SGSM2: variants seen among roughly 807,000 people sequenced by gnomAD.
SGSM2 encodes the protein RUN and TBC1 domain containing 1.
SGSM2 carries 89 observed loss-of-function variants against 126.6 expected under a neutral mutation model. The ratio of observed to expected loss-of-function variants is 0.70; its 90% CI spans 0.59 to 0.84. SGSM2 has a LOEUF of 0.84. SGSM2 is among the 40% of genes least tolerant of loss of function. The pLI is 0.00. For missense variants in SGSM2, 1,404 were observed against 1,416.6 expected, an observed-to-expected ratio of 0.99 and a Z score of 0.14; for synonymous variants, 614 against 574.3, an observed-to-expected ratio of 1.07 and a Z score of -0.99.
At chr17:2,339,517 G>T (rs1416562810) in intron 1 of SGSM2, among the ~76,000 whole-genome samples, 2 of 152,018 alleles carry the variant, frequency 1.3e-5, no homozygotes, top group Non-Finnish European at 2.9e-5. Context: ...GAGGTCAGGA[G>T]ATCGAGACCA....
intron 17 of SGSM2, 41 bp from the exon 18 acceptor site, chr17:2,375,451 T>C: frequency 6.4e-7 from 1 of 1,566,384 alleles, no homozygotes; most frequent in Non-Finnish European, 8.7e-7. Context: ...TGCGGGAAGG[T>C]GCTGGAGTGC....
chr17:2,343,158 G>A (rs759073794), intron 1 of SGSM2, among the ~76,000 whole-genome samples: 3 of 152,100 alleles, frequency 2.0e-5, no homozygotes, highest in East Asian at 1.9e-4. Context: ...AAGGAGGAGG[G>A]GCAGGTTGTT....
At position 2,361,681 on chromosome 17, in the gene SGSM2, G is replaced by C; in HGVS notation, c.178G>C (p.Ala60Pro). The change falls in exon 3 of 24, where the codon GCT (alanine) becomes CCT (proline). Residue 60 changes from alanine (A) to proline (P), a missense_variant. Ala to Pro is a conservative substitution (Grantham distance 27). Coordinates refer to ENST00000268989, the MANE Select transcript of SGSM2 (RefSeq NM_014853.3). ...CTTGCATCAGCTGAGACGCCGTGCCGCTGGCTTCCTGCGCAGTGACAAGAT... is the reference window on the plus strand; with the variant it reads ...CTTGCATCAGCTGAGACGCCGTGCCCCTGGCTTCCTGCGCAGTGACAAGAT... The part of the protein sequence containing the change: ...CLLHQLRRRA[A>P]GFLRSDKMAA... The C allele has an allele frequency of 6.2e-7, 1 of 1,613,950 alleles. No individual in the cohort carries two copies. The highest frequency in any genetic ancestry group is 8.5e-7 in the Non-Finnish European group (1 of 1,180,010).
intron 2 of SGSM2, among the ~76,000 whole-genome samples, chr17:2,360,247 C>T (rs926865218): frequency 2.0e-5 from 3 of 152,104 alleles, no homozygotes; most frequent in South Asian, 2.1e-4. Flanking sequence ...GAGGCTGAGG[C>T]GGGAGAATCA....
At chr17:2,354,490 C>A (rs899456507) in intron 2 of SGSM2, among the ~76,000 whole-genome samples, 1 of 152,228 alleles carries the variant, frequency 6.6e-6, no homozygotes, top group African/African-American at 2.4e-5. Context: ...CATCCTCATT[C>A]TTTTTCAGAG....
At position 2,377,894 on chromosome 17, in the gene SGSM2, A is replaced by G; in HGVS notation, c.2840A>G (p.Asn947Ser). The change falls in exon 22 of 24, where the codon AAT (asparagine) becomes AGT (serine). Residue 947 changes from asparagine to serine, a missense_variant. Transcript: ENST00000268989. Reference sequence around the variant, plus strand: ...GAGCTGTTTGAGCTGATGCATCAGAATGGAGACTACACCCACTTCTACTTC... The same window carrying G: ...GAGCTGTTTGAGCTGATGCATCAGAGTGGAGACTACACCCACTTCTACTTC... ...DSELFELMHQNGDYTHFYFCY... is the reference protein window; with the variant it reads ...DSELFELMHQSGDYTHFYFCY... 6.2e-7 allele frequency: 1 copy of G among 1,612,986 alleles called. No individual in the cohort carries two copies. Among genetic ancestry groups the G allele is most frequent in the Non-Finnish European group, 8.5e-7 (1 of 1,179,208 alleles).
chr17:2,357,938 G>A (rs1322554599), intron 2 of SGSM2, among the ~76,000 whole-genome samples: 4 of 152,332 alleles, frequency 2.6e-5, no homozygotes, highest in Middle Eastern at 3.4e-3. Context: ...TCACCTTGTG[G>A]TGGTGCACCC....
intron 2 of SGSM2, among the ~76,000 whole-genome samples, chr17:2,350,864 A>T (rs1049753760): frequency 6.6e-6 from 1 of 152,180 alleles, no homozygotes; most frequent in African/African-American, 2.4e-5. Flanking sequence ...TTCATCACCC[A>T]GCATCCATTG....
chr17:2,377,885 T>C lies in SGSM2; in HGVS notation c.2831T>C (p.Met944Thr). 1 of 1,612,704 alleles carries C rather than the reference T, an allele frequency of 6.2e-7. No individual in the cohort carries two copies. The highest frequency in any genetic ancestry group is 8.5e-7 in the Non-Finnish European group (1 of 1,178,808). The change falls in exon 22 of 24, where the codon ATG (methionine) becomes ACG (threonine). Residue 944 changes from methionine to threonine, a missense_variant. By Grantham distance (81) the Met-to-Thr change is moderately conservative. Coordinates refer to ENST00000268989, the MANE Select transcript of SGSM2 (RefSeq NM_014853.3). ...QILDSELFEL[M>T]HQNGDYTHFY... ...CTGGACTCAGAGCTGTTTGAGCTGA[T>C]GCATCAGAATGGAGACTACACCCAC...
intron 2 of SGSM2, among the ~76,000 whole-genome samples, chr17:2,353,728 T>C (rs2064970975): frequency 6.6e-6 from 1 of 151,788 alleles, no homozygotes; most frequent in Admixed American, 6.6e-5. Context: ...TTGTGCCCAC[T>C]GCAGTCCAGC....
intron 2 of SGSM2, among the ~76,000 whole-genome samples, chr17:2,352,037 G>A (rs2064875922): frequency 6.6e-6 from 1 of 152,230 alleles, no homozygotes; most frequent in Admixed American, 6.5e-5. Context: ...GCGGGGAAGA[G>A]AGGGGCAGGT....
At chr17:2,369,341 T>C (rs2065748816) in intron 12 of SGSM2, among the ~76,000 whole-genome samples, 1 of 152,180 alleles carries the variant, frequency 6.6e-6, no homozygotes, top group Non-Finnish European at 1.5e-5. Context: ...ACAGAGCAGA[T>C]GCTATTCACT....
intron 12 of SGSM2, among the ~76,000 whole-genome samples, chr17:2,370,533 C>G (rs1211843166): frequency 7.5e-6 from 1 of 133,418 alleles, no homozygotes; most frequent in East Asian, 2.4e-4. Flanking sequence ...CCGCAGTGGC[C>G]TCGTAGTCCT....
At chr17:2,371,572 C>A in intron 13 of SGSM2, 157 bp downstream of exon 13, 1 of 846,786 alleles carries the variant, frequency 1.2e-6, no homozygotes, top group Non-Finnish European at 1.8e-6. Context: ...ACGTGACTTA[C>A]AAGTTATGGA....
At chr17:2,369,360 G>A (rs2065750259) in intron 12 of SGSM2, among the ~76,000 whole-genome samples, 1 of 152,034 alleles carries the variant, frequency 6.6e-6, no homozygotes, top group African/African-American at 2.4e-5. Flanking sequence ...CTCTAATTCT[G>A]CTCCAGGCCA....
At chr17:2,378,770 G>T (rs1455907687) in intron 22 of SGSM2, among the ~76,000 whole-genome samples, 1 of 152,204 alleles carries the variant, frequency 6.6e-6, no homozygotes, top group African/African-American at 2.4e-5. Context: ...AAAGGATGGG[G>T]CCTTGGTACG....
rs776236090 is a variant in SGSM2, at chr17:2,373,001, G to A, written c.1837G>A (p.Glu613Lys). The change falls in exon 16 of 24, where the codon GAG becomes AAG. Residue 613 changes from glutamate (E) to lysine (K), a missense_variant. By Grantham distance (56) the Glu-to-Lys change is moderately conservative. Transcript: ENST00000268989. ...GCGGCAAGTTTACTACGGAGGCATA[G>A]AGCACGAGATCCGCAAGGACGTCTG... ...LLRQVYYGGIEHEIRKDVWPF... is the reference protein window; with the variant it reads ...LLRQVYYGGIKHEIRKDVWPF... 8.8e-6 allele frequency: 14 copies of A among 1,593,502 alleles called. No homozygotes were observed. The Admixed American group carries it at 2.3e-4, about 26-fold the overall frequency.
intron 2 of SGSM2, among the ~76,000 whole-genome samples, chr17:2,357,305 G>A (rs2065126837): frequency 6.6e-6 from 1 of 152,062 alleles, no homozygotes; most frequent in African/African-American, 2.4e-5. Context: ...GGCTGACAGG[G>A]TAGAGAATGT....
In SGSM2 at chr17:2,379,745, G is replaced by A; in HGVS notation, c.*225G>A. 3 of 1,401,762 alleles carry A rather than the reference G, an allele frequency of 2.1e-6. No individual in the cohort carries two copies. The highest frequency in any genetic ancestry group is 1.4e-5 in the African/African-American group (1 of 69,362). 86.8% of individuals were successfully genotyped at this position (1,401,762 alleles called of 1,614,324 possible). ...CGGGATGGGAGGGGTCAGCCTCAGG[G>A]AGCAGCTGCCTTGGGGGACACACCT... On this transcript the variant is annotated 3_prime_UTR_variant, in exon 24 of 24. Transcript: ENST00000268989.
Sources: allele counts gnomAD v4.1 joint callset (sites outside exome capture counted in the v4.1 genomes callset), GRCh38; gene constraint gnomAD v4.1.1; transcripts MANE v1.5; gene names NCBI Gene and HGNC (gene_info 2026-07-23, HGNC 2026-07-21).